ACOX3: variants seen among roughly 807,000 people sequenced by gnomAD.
ACOX3 encodes peroxisomal acyl-coenzyme A oxidase 3.
A neutral mutation model predicts 81.5 loss-of-function variants in ACOX3; 73 were observed. The observed-to-expected ratio is 0.90, with a 90% CI of 0.74 to 1.09. The LOEUF is 1.09. Ranked by LOEUF, ACOX3 falls within the 50% of genes least tolerant of loss-of-function variation. The pLI is 0.00. For synonymous variants in ACOX3, 387 were observed against 375.1 expected, an observed-to-expected ratio of 1.03 and a Z score of -0.37; for missense variants, 947 against 928.0, an observed-to-expected ratio of 1.02 and a Z score of -0.27.
intron 6 of ACOX3, among the ~76,000 whole-genome samples, chr4:8,409,751 G>A (rs1721493057): frequency 2.0e-5 from 3 of 149,310 alleles, no homozygotes; most frequent in Non-Finnish European, 3.0e-5. Flanking sequence ...GATACACTTT[G>A]GGCAGGCCTG....
rs1344083576 is a variant in ACOX3, at chr4:8,405,308, C to T, written c.776+647G>A. On this transcript the variant is annotated intron_variant, in intron 7 of 17. Coordinates refer to ENST00000356406, the MANE Select transcript of ACOX3 (RefSeq NM_003501.3). This position sits in a 1 kb window ranked among gnomAD's most constrained non-coding sequence, Gnocchi z 7.1. ...CGCTGCACATTCCAAAATCACTGGC[C>T]ACTTCTCCCCGGCCACCCAGGCCTC... Among the ~76,000 whole-genome samples the T allele has an allele frequency of 6.6e-6, 1 of 152,182 alleles. No homozygotes were observed. Among genetic ancestry groups the T allele is most frequent in the East Asian group, 1.9e-4 (1 of 5,180 alleles).
rs1718155488 is a variant in ACOX3 at position 8,385,155 on chromosome 4, G to T, written c.1538-3548C>A. Among the ~76,000 whole-genome samples the T allele has an allele frequency of 6.6e-6, 1 of 152,112 alleles. No individual in the cohort carries two copies. The highest frequency in any genetic ancestry group is 1.5e-5 in the Non-Finnish European group (1 of 68,018). On this transcript the variant is annotated intron_variant, in intron 13 of 17. Coordinates refer to ENST00000356406, the MANE Select transcript of ACOX3 (RefSeq NM_003501.3). This position sits in a 1 kb window ranked among gnomAD's most constrained non-coding sequence, Gnocchi z 5.5. The stretch of plus-strand genomic sequence containing the variant: ...TAAAGCCTAGCTCAAGGTCACAGCG[G>T]GGGGCAGTGCTGACCCAATAGCCTG...
chr4:8,360,595 C>T, the ACOX3 span, among the ~76,000 whole-genome samples: 1 of 151,936 alleles, frequency 6.6e-6, no homozygotes, highest in Admixed American at 6.6e-5. Flanking sequence ...CCTCAGCCTC[C>T]CGAGTAGGTG....
At chr4:8,392,514 TAAGTC>T in intron 10 of ACOX3, 61 bp from the exon 11 acceptor site, 1 of 1,461,978 alleles carries the variant, frequency 6.8e-7, no homozygotes, top group Admixed American at 2.5e-5. Flanking sequence ...CAAAAAGTCA[TAAGTC>T]AGCAATAGCA....
intron 6 of ACOX3, among the ~76,000 whole-genome samples, chr4:8,409,046 G>A (rs1721387997): frequency 6.6e-6 from 1 of 152,204 alleles, no homozygotes; most frequent in South Asian, 2.1e-4. Context: ...TGTCAGAAGC[G>A]TTGTGATGGC....
chr4:8,411,649 C>T (rs774574051), intron 5 of ACOX3, among the ~76,000 whole-genome samples: 4 of 152,254 alleles, frequency 2.6e-5, no homozygotes, highest in Non-Finnish European at 5.9e-5. Flanking sequence ...TGCACTGCTC[C>T]ACACAGATCT....
intron 9 of ACOX3, 98 bp downstream of exon 9, chr4:8,396,838 CT>C (rs1719750383): frequency 7.1e-6 from 10 of 1,413,662 alleles, no homozygotes; most frequent in Non-Finnish European, 9.7e-6. Context: ...GCCTTAAGAG[CT>C]TTGATCAACT....
chr4:8,375,172 C>A lies in ACOX3; in HGVS notation c.1654-20G>T. On this transcript the variant is annotated intron_variant, in intron 14 of 17. Transcript: ENST00000356406. Reference sequence around the variant, plus strand: ...GGACACCTGGAACACAGGACGGCACCGTGAGGACCGTGAGGGTCCCAGCCC... The same window carrying A: ...GGACACCTGGAACACAGGACGGCACAGTGAGGACCGTGAGGGTCCCAGCCC... 1 of 1,511,152 alleles carries A rather than the reference C, an allele frequency of 6.6e-7. No individual in the cohort carries two copies. The highest frequency in any genetic ancestry group is 8.9e-7 in the Non-Finnish European group (1 of 1,122,386). 93.6% of individuals were successfully genotyped at this position (1,511,152 alleles called of 1,614,324 possible). A position where few individuals can be genotyped will look rare whatever the true frequency, so the allele number is the denominator to read the frequency against.
rs1578990089 is a variant in ACOX3, at chr4:8,423,291, G to T, written c.-14-6756C>A. On this transcript the variant is annotated intron_variant, in intron 1 of 17. Transcript: ENST00000356406. This position sits in a 1 kb window ranked among gnomAD's most constrained non-coding sequence, Gnocchi z 4.2. ...GGGAGATACATTCTAGCAAAAGCAGGGGCCATTATACACCTGAACATGGGA... is the reference window on the plus strand; with the variant it reads ...GGGAGATACATTCTAGCAAAAGCAGTGGCCATTATACACCTGAACATGGGA... 6.6e-6 allele frequency among the ~76,000 whole-genome samples: 1 copy of T among 152,112 alleles called. No individual in the cohort carries two copies. Among genetic ancestry groups the T allele is most frequent in the Admixed American group, 6.5e-5 (1 of 15,270 alleles).
At position 8,394,785 on chromosome 4, in the gene ACOX3, A is replaced by G. The variant is rs1236696864; in HGVS notation, c.1057-43T>C. On this transcript the variant is annotated intron_variant, in intron 9 of 17. Coordinates refer to ENST00000356406, the MANE Select transcript of ACOX3 (RefSeq NM_003501.3). The surrounding 1 kb of genome is among the most constrained non-coding windows in gnomAD (Gnocchi z 5.9). ...CCTGCGTGAACACATCGTGGTTCCCATGAAGGGCAGCCCATCCCAGGGACC... is the reference window on the plus strand; with the variant it reads ...CCTGCGTGAACACATCGTGGTTCCCGTGAAGGGCAGCCCATCCCAGGGACC... 2 of 1,591,480 alleles carry G rather than the reference A, an allele frequency of 1.3e-6. No individual in the cohort carries two copies. Among genetic ancestry groups the G allele is most frequent in the African/African-American group, 2.7e-5 (2 of 74,536 alleles).
intron 11 of ACOX3, among the ~76,000 whole-genome samples, chr4:8,391,465 T>G (rs1172178761): frequency 6.6e-6 from 1 of 152,254 alleles, no homozygotes; most frequent in Non-Finnish European, 1.5e-5. Context: ...GTGGCTGTTT[T>G]GAGTGTGTAC....
In ACOX3 at chr4:8,399,677, G is replaced by C; in HGVS notation, c.777-25C>G. 6.3e-7 allele frequency: 1 copy of C among 1,598,514 alleles called. No homozygotes were observed. Among genetic ancestry groups the C allele is most frequent in the Non-Finnish European group, 8.6e-7 (1 of 1,165,846 alleles). The stretch of plus-strand genomic sequence containing the variant: ...ACTGTGGGGAAGCAGCAGGGCTTCT[G>C]TTAAACAGGGGTCCTGCCCTGAGGC... On this transcript the variant is annotated intron_variant, in intron 7 of 17. Coordinates refer to ENST00000356406, the MANE Select transcript of ACOX3 (RefSeq NM_003501.3). This position sits in a 1 kb window ranked among gnomAD's most constrained non-coding sequence, Gnocchi z 4.9.
At chr4:8,415,668 G>A in intron 3 of ACOX3, 98 bp downstream of exon 3, 3 of 992,086 alleles carry the variant, frequency 3.0e-6, no homozygotes. Context: ...TGGACAAACT[G>A]GTGTTTCTCT....
In ACOX3 at chr4:8,386,278, G is replaced by A. The variant is rs185619728; in HGVS notation, c.1537+2895C>T. Among the ~76,000 whole-genome samples the A allele has an allele frequency of 7.1e-4, 108 of 152,310 alleles. No individual in the cohort carries two copies. The highest frequency in any genetic ancestry group is 2.5e-3 in the African/African-American group (102 of 41,578). ...GCAACATTTGGGAAGCTTAGAAAGT[G>A]ACTTGCGGCCGGGCGTGGTGGCTCA... On this transcript the variant is annotated intron_variant, in intron 13 of 17. Coordinates refer to ENST00000356406, the MANE Select transcript of ACOX3 (RefSeq NM_003501.3). This position sits in a 1 kb window ranked among gnomAD's most constrained non-coding sequence, Gnocchi z 5.2.
In ACOX3 at chr4:8,386,568, A is replaced by T. The variant is rs1718331128; in HGVS notation, c.1537+2605T>A. Reference sequence around the variant, plus strand: ...GCGACAGAGCGAGACTCCGTCTCAAAAAAAAAAAAAAAAAGAAAGTGACTT... The same window carrying T: ...GCGACAGAGCGAGACTCCGTCTCAATAAAAAAAAAAAAAAGAAAGTGACTT... On this transcript the variant is annotated intron_variant, in intron 13 of 17. Coordinates refer to ENST00000356406, the MANE Select transcript of ACOX3 (RefSeq NM_003501.3). The surrounding 1 kb of genome is among the most constrained non-coding windows in gnomAD (Gnocchi z 5.2). Among the ~76,000 whole-genome samples, 1 of 150,766 alleles carries T rather than the reference A, an allele frequency of 6.6e-6. No homozygotes were observed.
chr4:8,363,517 T>C (rs543995550), downstream of ACOX3, among the ~76,000 whole-genome samples: 1 of 152,274 alleles, frequency 6.6e-6, no homozygotes, highest in South Asian at 2.1e-4. Flanking sequence ...TTACAGAAGA[T>C]GGATCTTCAT....
intron 8 of ACOX3, 129 bp from the exon 9 acceptor site, chr4:8,397,248 T>A (rs1187138551): frequency 5.7e-6 from 5 of 884,172 alleles, no homozygotes; most frequent in Non-Finnish European, 1.6e-6. Context: ...CCAGGCCCCA[T>A]CCCCAGGGCG....
Position 8,406,441 on chromosome 4 carries a change from G to A in ACOX3, c.688-398C>T, listed in dbSNP as rs75959711. ...CCACAGGGTCAGTGGGTTTCTCCCC[G>A]TGTGTGGAGACAAGAGAGCATAGAG... On this transcript the variant is annotated intron_variant, in intron 6 of 17. Transcript: ENST00000356406. The surrounding 1 kb of genome is among the most constrained non-coding windows in gnomAD (Gnocchi z 5.6). Among the ~76,000 whole-genome samples the A allele has an allele frequency of 3.3e-5, 5 of 150,338 alleles. No individual in the cohort carries two copies. Among genetic ancestry groups the A allele is most frequent in the Admixed American group, 6.6e-5 (1 of 15,074 alleles).
rs73209470 is a variant in ACOX3 at position 8,385,103 on chromosome 4, G to A, written c.1538-3496C>T. Among the ~76,000 whole-genome samples the A allele has an allele frequency of 9.3e-3, 1,418 of 152,200 alleles. 8 individuals carry two copies. The highest frequency in any genetic ancestry group is 0.035 in the South Asian group (167 of 4,814). Reference sequence around the variant, plus strand: ...GACCGCATTCCCTCCCCACTGTCTCGCAGAAGGAAAACAGGCTCAGAGAGA... The same window carrying A: ...GACCGCATTCCCTCCCCACTGTCTCACAGAAGGAAAACAGGCTCAGAGAGA... On this transcript the variant is annotated intron_variant, in intron 13 of 17. Coordinates refer to ENST00000356406, the MANE Select transcript of ACOX3 (RefSeq NM_003501.3). This position sits in a 1 kb window ranked among gnomAD's most constrained non-coding sequence, Gnocchi z 5.5.
Sources: gnomAD v4.1 joint callset for allele counts (sites outside exome capture counted in the v4.1 genomes callset) on GRCh38, gnomAD v4.1.1 for gene constraint, Gnocchi (gnomAD v3.1) non-coding constraint, MANE v1.5 for transcripts, NCBI Gene and HGNC (gene_info 2026-07-23, HGNC 2026-07-21) for gene names.